Variants in TTC28 observed in about 807,000 individuals in gnomAD.
TTC28 encodes tetratricopeptide repeat domain 28.
Under a neutral mutation model 198.0 loss-of-function variants are expected in TTC28, and 61 were observed. That is an observed-to-expected ratio of 0.31 (90% confidence interval 0.25 to 0.38). The LOEUF is 0.38. Among genes scored for constraint, TTC28 ranks in the 10% least tolerant of loss-of-function variants. The pLI is 1.00. For missense variants in TTC28, 2,678 were observed against 3,164.0 expected, an observed-to-expected ratio of 0.85 and a Z score of 3.69; for synonymous variants, 1,171 against 1,297.8, an observed-to-expected ratio of 0.90 and a Z score of 2.10.
At position 28,362,768 on chromosome 22, in the gene TTC28, C is replaced by T. The variant is rs182692676; in HGVS notation, c.382-56125G>A. Among the ~76,000 whole-genome samples, 221 of 152,202 alleles carry T rather than the reference C, an allele frequency of 1.5e-3. 1 individual carries two copies. The highest frequency in any genetic ancestry group is 2.6e-3 in the Non-Finnish European group (179 of 68,012). On this transcript the variant is annotated intron_variant, in intron 2 of 22. Transcript: ENST00000397906. ...TGTTATGTTTCAGCAAAGAGACTGG[C>T]AGCATTTTGCCCCTGCCCTAGAGAT...
chr22:28,185,503 G>GA (rs534144407), intron 5 of TTC28, among the ~76,000 whole-genome samples: 1 of 151,742 alleles, frequency 6.6e-6, no homozygotes, highest in Non-Finnish European at 1.5e-5. Flanking sequence ...ATCTTTCTTA[G>GA]AAAAAAAGGA....
At chr22:28,517,725 A>C (rs1348681470) in intron 2 of TTC28, among the ~76,000 whole-genome samples, 1 of 152,234 alleles carries the variant, frequency 6.6e-6, no homozygotes, top group Non-Finnish European at 1.5e-5. Flanking sequence ...AAAAAACTTC[A>C]TAAAGTCATT....
chr22:28,055,419 A>G (rs1272673981), intron 12 of TTC28, among the ~76,000 whole-genome samples: 2 of 152,198 alleles, frequency 1.3e-5, no homozygotes, highest in African/African-American at 2.4e-5. Context: ...AAAGTGCTAA[A>G]AGTGTTTGAA....
At chr22:28,163,624 G>A (rs944796489) in intron 5 of TTC28, 25 bp from the exon 6 acceptor site, 2 of 1,491,628 alleles carry the variant, frequency 1.3e-6, no homozygotes, top group Non-Finnish European at 1.8e-6. Flanking sequence ...ATAAAGTGGA[G>A]AAATGAAAAC....
At chr22:28,515,766 C>CATT (rs1448398609) in intron 2 of TTC28, among the ~76,000 whole-genome samples, 2 of 152,102 alleles carry the variant, frequency 1.3e-5, no homozygotes, top group African/African-American at 2.4e-5. Flanking sequence ...TAACTTAATA[C>CATT]ATCTTTTTAT....
chr22:28,033,876 G>A (rs1454863473), intron 12 of TTC28, among the ~76,000 whole-genome samples: 1 of 152,128 alleles, frequency 6.6e-6, no homozygotes, highest in Non-Finnish European at 1.5e-5. Context: ...TTACTCAAAG[G>A]AGGAACACTT....
intron 2 of TTC28, among the ~76,000 whole-genome samples, chr22:28,471,990 T>C (rs552436325): frequency 1.3e-5 from 2 of 152,226 alleles, no homozygotes; most frequent in East Asian, 3.9e-4. Context: ...TCTTCAACAT[T>C]TAATAAATGA....
At chr22:28,617,545 A>C (rs2050922609) in intron 2 of TTC28, among the ~76,000 whole-genome samples, 1 of 152,122 alleles carries the variant, frequency 6.6e-6, no homozygotes, top group Non-Finnish European at 1.5e-5. Context: ...AAGGTACATG[A>C]ATATGTACCT....
chr22:27,996,277 G>A lies in TTC28; in HGVS notation c.5120-18C>T. The A allele has an allele frequency of 6.5e-7, 1 of 1,548,986 alleles. No homozygotes were observed. The highest frequency in any genetic ancestry group is 8.7e-7 in the Non-Finnish European group (1 of 1,146,270). On this transcript the variant is annotated intron_variant, in intron 16 of 22. Transcript: ENST00000397906. ...CATGAACCCTGCAGAAAGCAAAGGA[G>A]GGCACCTCAGCAGGGCAGCTGGAGA...
At chr22:28,590,196 C>T (rs1402562860) in intron 2 of TTC28, among the ~76,000 whole-genome samples, 3 of 149,118 alleles carry the variant, frequency 2.0e-5, no homozygotes, top group African/African-American at 4.9e-5. Flanking sequence ...GGCGCAATCT[C>T]GGCTCACTGC....
chr22:28,441,364 A>G (rs1316142152), intron 2 of TTC28, among the ~76,000 whole-genome samples: 1 of 140,184 alleles, frequency 7.1e-6, no homozygotes, highest in African/African-American at 2.7e-5. Context: ...TTGCTTAATT[A>G]TATGGTTTCT....
At chr22:28,608,453 G>A (rs1013750998) in intron 2 of TTC28, among the ~76,000 whole-genome samples, 11 of 152,166 alleles carry the variant, frequency 7.2e-5, no homozygotes, top group African/African-American at 2.7e-4. Context: ...AGTGGCAACT[G>A]CTTAACATCA....
chr22:28,602,919 G>A lies in TTC28; in HGVS notation c.381+26633C>T, dbSNP rs192827700. Among the ~76,000 whole-genome samples the A allele has an allele frequency of 5.3e-5, 8 of 152,020 alleles. No homozygotes were observed. In the East Asian group the frequency reaches 5.8e-4, roughly 11 times the overall value. On this transcript the variant is annotated intron_variant, in intron 2 of 22. Transcript: ENST00000397906. ...TTTTGAGACAGAATCTTGCTCTGTC[G>A]CCCAGGCTGGAGTGCAGTGGTACGA...
chr22:28,634,229 T>C (rs1258217816), intron 1 of TTC28, among the ~76,000 whole-genome samples: 2 of 152,152 alleles, frequency 1.3e-5, no homozygotes, highest in African/African-American at 4.8e-5. Flanking sequence ...CAGAAATTTC[T>C]GGCCGGGAGT....
At chr22:28,452,321 C>T (rs982534131) in intron 2 of TTC28, among the ~76,000 whole-genome samples, 2 of 128,362 alleles carry the variant, frequency 1.6e-5, no homozygotes, top group African/African-American at 6.0e-5. Flanking sequence ...ACCCAGGAGG[C>T]AGAGGTTTCA....
intron 8 of TTC28, among the ~76,000 whole-genome samples, chr22:28,101,653 C>T (rs938016350): frequency 2.0e-5 from 3 of 151,876 alleles, no homozygotes; most frequent in African/African-American, 7.3e-5. Context: ...GCACTGCTCC[C>T]ACCCAATTTT....
intron 2 of TTC28, among the ~76,000 whole-genome samples, chr22:28,484,916 A>G (rs2048298068): frequency 6.6e-6 from 1 of 152,192 alleles, no homozygotes; most frequent in Admixed American, 6.5e-5. Context: ...TAGCATCTGT[A>G]AATCTCCCTA....
intron 2 of TTC28, among the ~76,000 whole-genome samples, chr22:28,611,457 G>A (rs2050816670): frequency 6.7e-6 from 1 of 150,192 alleles, no homozygotes; most frequent in Non-Finnish European, 1.5e-5. Flanking sequence ...TTCATATCCA[G>A]CCAAACTAAG....
chr22:28,165,358 C>T (rs550066171), intron 5 of TTC28, among the ~76,000 whole-genome samples: 45 of 152,112 alleles, frequency 3.0e-4, no homozygotes, highest in Middle Eastern at 3.4e-3. Flanking sequence ...AGAAGAGCAA[C>T]GCCAAGACAC....
Sources: allele counts gnomAD v4.1 joint callset (sites outside exome capture counted in the v4.1 genomes callset), GRCh38; gene constraint gnomAD v4.1.1; transcripts MANE v1.5; gene names NCBI Gene and HGNC (gene_info 2026-07-23, HGNC 2026-07-21).